The following CACNA2D1 variants were observed in gnomAD, a reference collection of about 807,000 sequenced individuals.
CACNA2D1 encodes the protein voltage-dependent calcium channel subunit alpha-2/delta-1.
A neutral mutation model predicts 171.5 loss-of-function variants in CACNA2D1; 53 were observed. That is an observed-to-expected ratio of 0.31 (90% CI 0.25 to 0.39). CACNA2D1 has a LOEUF of 0.39. Ranked by LOEUF, CACNA2D1 falls within the 10% of genes least tolerant of loss-of-function variation. The pLI is 1.00. For missense variants in CACNA2D1, 903 were observed against 1,299.8 expected, an observed-to-expected ratio of 0.69 and a Z score of 4.69; for synonymous variants, 442 against 443.1, an observed-to-expected ratio of 1.00 and a Z score of 0.03.
At position 82,322,125 on chromosome 7, in the gene CACNA2D1, CAAAAAAAAAAAA is replaced by C. The variant is rs71093373; in HGVS notation, c.294+12998_294+13009del. 1.8e-4 allele frequency among the ~76,000 whole-genome samples: 8 copies of C among 43,638 alleles called. No homozygotes were observed. The Admixed American group carries it at 2.6e-3, about 14-fold the overall frequency. The allele number at this position is 43,638 out of a possible 152,430, so 28.6% of individuals were successfully genotyped here. On this transcript the variant is annotated intron_variant, in intron 3 of 38. Coordinates refer to ENST00000356860, the MANE Select transcript of CACNA2D1 (RefSeq NM_000722.4). Reference sequence around the variant, plus strand: ...TGGGTGACAGAGCGAGACTCCGTCTCAAAAAAAAAAAAAAAAAAAAAAAAAAAAACAAGCTAA... The same window carrying C: ...TGGGTGACAGAGCGAGACTCCGTCTCAAAAAAAAAAAAAAAAACAAGCTAA...
At chr7:82,034,403 C>A (rs565119531) in intron 11 of CACNA2D1, among the ~76,000 whole-genome samples, 41 of 152,046 alleles carry the variant, frequency 2.7e-4, no homozygotes, top group Non-Finnish European at 5.0e-4. Flanking sequence ...ATGAAAAGAT[C>A]CTGTTTCAGG....
chr7:82,207,875 T>C (rs2129218726), intron 3 of CACNA2D1, among the ~76,000 whole-genome samples: 2 of 152,318 alleles, frequency 1.3e-5, no homozygotes, highest in South Asian at 4.1e-4. Flanking sequence ...CACATATATA[T>C]TGAAAAACAT....
intron 12 of CACNA2D1, chr7:82,021,148 G>A (rs143638187): frequency 1.4e-4 from 22 of 152,074 alleles, no homozygotes; most frequent in East Asian, 7.7e-4. Context: ...AATAAGCTAC[G>A]GGCCCACTGA....
Position 81,950,161 on chromosome 7 carries a change from C to A in CACNA2D1, c.*231G>T. The A allele has an allele frequency of 1.5e-6, 1 of 667,532 alleles. No individual in the cohort carries two copies. The highest frequency in any genetic ancestry group is 2.5e-6 in the Non-Finnish European group (1 of 406,814). 41.4% of individuals were successfully genotyped at this position (667,532 alleles called of 1,614,324 possible). ...AATAGAGGACACGTATAGGATTTTGCTTTGATGTTACACATAGATGATGCA... is the reference window on the plus strand; with the variant it reads ...AATAGAGGACACGTATAGGATTTTGATTTGATGTTACACATAGATGATGCA... On this transcript the variant is annotated 3_prime_UTR_variant, in exon 39 of 39. Coordinates refer to ENST00000356860, the MANE Select transcript of CACNA2D1 (RefSeq NM_000722.4).
intron 25 of CACNA2D1, among the ~76,000 whole-genome samples, chr7:81,973,964 G>A (rs1219773570): frequency 6.6e-6 from 1 of 151,756 alleles, no homozygotes; most frequent in Non-Finnish European, 1.5e-5. Flanking sequence ...AATTTTTTAA[G>A]ACATAAAGTT....
intron 2 of CACNA2D1, among the ~76,000 whole-genome samples, chr7:82,335,564 A>G (rs1181818896): frequency 1.3e-5 from 2 of 152,198 alleles, no homozygotes; most frequent in East Asian, 1.9e-4. Flanking sequence ...ATCTGTCATC[A>G]GCATCGTAAG....
intron 4 of CACNA2D1, among the ~76,000 whole-genome samples, chr7:82,146,009 A>G (rs1792993638): frequency 6.6e-6 from 1 of 151,936 alleles, no homozygotes; most frequent in Non-Finnish European, 1.5e-5. Context: ...GTAATATTTT[A>G]GTCTGCTTAT....
At chr7:81,965,912 C>T (rs1013936887) in intron 31 of CACNA2D1, among the ~76,000 whole-genome samples, 2 of 151,662 alleles carry the variant, frequency 1.3e-5, no homozygotes, top group African/African-American at 4.8e-5. Context: ...CTGAACAAAT[C>T]AGAAGAGCAA....
chr7:81,978,670 T>C (rs1204593345), intron 24 of CACNA2D1, among the ~76,000 whole-genome samples: 1 of 151,500 alleles, frequency 6.6e-6, no homozygotes, highest in Non-Finnish European at 1.5e-5. Flanking sequence ...CAGAAACCAC[T>C]ACAGTACATG....
chr7:82,089,384 T>C (rs944483023), intron 6 of CACNA2D1, among the ~76,000 whole-genome samples: 2 of 152,208 alleles, frequency 1.3e-5, no homozygotes, highest in East Asian at 3.9e-4. Context: ...TGAAGATCTT[T>C]ATCCCTGTTA....
At chr7:82,356,039 C>G (rs531012084) in intron 1 of CACNA2D1, among the ~76,000 whole-genome samples, 1 of 152,030 alleles carries the variant, frequency 6.6e-6, no homozygotes, top group Non-Finnish European at 1.5e-5. Context: ...CATCTTATCC[C>G]TCCTCCAGTC....
At chr7:82,233,983 A>G (rs185658176) in intron 3 of CACNA2D1, among the ~76,000 whole-genome samples, 52 of 152,248 alleles carry the variant, frequency 3.4e-4, no homozygotes, top group African/African-American at 1.1e-3. Context: ...TTAAAGCCTT[A>G]TCACAACTGT....
intron 3 of CACNA2D1, among the ~76,000 whole-genome samples, chr7:82,323,165 G>A (rs1012326445): frequency 2.0e-5 from 3 of 151,838 alleles, no homozygotes; most frequent in Non-Finnish European, 4.4e-5. Context: ...GGTTGGCCTT[G>A]GATCAGCACT....
chr7:82,105,606 C>T (rs1787663618), intron 6 of CACNA2D1, among the ~76,000 whole-genome samples: 2 of 151,940 alleles, frequency 1.3e-5, no homozygotes, highest in South Asian at 4.1e-4. Context: ...AATATGAAGC[C>T]TTCCACCAAC....
chr7:82,390,525 T>C (rs944917259), intron 1 of CACNA2D1, among the ~76,000 whole-genome samples: 14 of 152,108 alleles, frequency 9.2e-5, no homozygotes, highest in Admixed American at 2.6e-4. Flanking sequence ...AACTAAAACA[T>C]CAACAAGAAA....
chr7:82,048,417 T>C (rs531794361), intron 10 of CACNA2D1, among the ~76,000 whole-genome samples: 13 of 152,228 alleles, frequency 8.5e-5, no homozygotes, highest in African/African-American at 2.9e-4. Flanking sequence ...TGCCAATATT[T>C]TTATTTGAAG....
At chr7:82,055,768 TG>T (rs1295173481) in intron 10 of CACNA2D1, among the ~76,000 whole-genome samples, 1 of 52,292 alleles carries the variant, frequency 1.9e-5, no homozygotes, top group African/African-American at 8.1e-5. Context: ...TGTTGTAGGG[TG>T]GGGGGAGGGG....
intron 29 of CACNA2D1, among the ~76,000 whole-genome samples, chr7:81,968,583 G>A (rs1018139684): frequency 1.1e-4 from 17 of 151,268 alleles, no homozygotes; most frequent in African/African-American, 4.1e-4. Flanking sequence ...GACTTCTGGA[G>A]GTGGGTTGCT....
At chr7:82,357,994 G>A (rs986741474) in intron 1 of CACNA2D1, among the ~76,000 whole-genome samples, 7 of 151,976 alleles carry the variant, frequency 4.6e-5, no homozygotes, top group Non-Finnish European at 7.4e-5. Flanking sequence ...TTAAGAAATC[G>A]TTTATTTTTA....
Sources: allele counts gnomAD v4.1 joint callset (sites outside exome capture counted in the v4.1 genomes callset), GRCh38; gene constraint gnomAD v4.1.1; transcripts MANE v1.5; gene names NCBI Gene and HGNC (gene_info 2026-07-23, HGNC 2026-07-21).